The following ARL3 variants were observed in gnomAD, a reference collection of about 807,000 sequenced individuals.
ARL3 encodes the protein ARF like GTPase 3, also known as ADP-ribosylation factor-like protein 3.
A neutral mutation model predicts 26.0 loss-of-function variants in ARL3; 9 were observed. The observed-to-expected ratio is 0.35, with a 90% CI of 0.21 to 0.60. The LOEUF is 0.60. Among genes scored for constraint, ARL3 ranks in the 20% least tolerant of loss-of-function variants. The pLI is 0.78. For synonymous variants in ARL3, 71 were observed against 78.4 expected (o/e 0.91, Z 0.50); for missense variants, 158 against 215.7 (o/e 0.73, Z 1.67).
At chr10:102,692,903 A>G (rs556660744) in intron 3 of ARL3, among the ~76,000 whole-genome samples, 3 of 152,152 alleles carry the variant, frequency 2.0e-5, no homozygotes, top group South Asian at 2.1e-4. Context: ...TCACCGTGTT[A>G]GCCAGGATGG....
At chr10:102,686,685 G>A (rs550472121) in intron 4 of ARL3, among the ~76,000 whole-genome samples, 1 of 151,388 alleles carries the variant, frequency 6.6e-6, no homozygotes, top group African/African-American at 2.4e-5. Flanking sequence ...GGCTGGTCTT[G>A]AACTCCTGGC....
chr10:102,709,894 C>T lies in ARL3; in HGVS notation c.3+4379G>A, dbSNP rs138500039. On this transcript the variant is annotated intron_variant, in intron 1 of 5. Transcript: ENST00000260746. ...CTAAAAATACAAAAAATTGGCCAGG[C>T]ATGGTGGTGGGCACCTATATTCCCA... Among the ~76,000 whole-genome samples the T allele has an allele frequency of 4.1e-4, 62 of 151,932 alleles. 2 individuals carry two copies. In the East Asian group the frequency reaches 9.9e-3, roughly 24 times the overall value.
intron 4 of ARL3, among the ~76,000 whole-genome samples, chr10:102,687,245 T>G (rs889117738): frequency 6.6e-6 from 1 of 151,504 alleles, no homozygotes; most frequent in Non-Finnish European, 1.5e-5. Flanking sequence ...GATCACTTTT[T>G]TTTTTTGAGA....
intron 3 of ARL3, 75 bp downstream of exon 3, chr10:102,699,298 A>C (rs2064265518): frequency 1.1e-6 from 1 of 885,546 alleles, no homozygotes; most frequent in African/African-American, 2.1e-5. Context: ...CTGACAAGAA[A>C]GAATGTTACA....
At chr10:102,693,864 AG>A (rs1427595773) in intron 3 of ARL3, among the ~76,000 whole-genome samples, 1 of 152,008 alleles carries the variant, frequency 6.6e-6, no homozygotes, top group Non-Finnish European at 1.5e-5. Context: ...TTGTAGAGAC[AG>A]GGTCACAGTA....
At chr10:102,700,487 CAG>C (rs2064274116) in intron 2 of ARL3, among the ~76,000 whole-genome samples, 1 of 144,704 alleles carries the variant, frequency 6.9e-6, no homozygotes, top group Admixed American at 6.9e-5. Context: ...TTTTTTGAGA[CAG>C]AGTCTCGCTC....
chr10:102,708,779 C>T (rs2064322390), intron 1 of ARL3, among the ~76,000 whole-genome samples: 1 of 151,116 alleles, frequency 6.6e-6, no homozygotes, highest in Non-Finnish European at 1.5e-5. Context: ...TTGCTTAAAC[C>T]CAGGAGGTAG....
At chr10:102,694,959 T>C (rs748098649) in intron 3 of ARL3, among the ~76,000 whole-genome samples, 1 of 152,246 alleles carries the variant, frequency 6.6e-6, no homozygotes, top group African/African-American at 2.4e-5. Context: ...CCTCAGGTGA[T>C]CTGCCTGCCT....
At chr10:102,683,922 C>A (rs1318654753) in intron 5 of ARL3, among the ~76,000 whole-genome samples, 1 of 152,182 alleles carries the variant, frequency 6.6e-6, no homozygotes, top group Non-Finnish European at 1.5e-5. Context: ...AATACTGATT[C>A]TAGATTACTC....
At chr10:102,681,819 A>G (rs991272210) in intron 5 of ARL3, among the ~76,000 whole-genome samples, 3 of 152,148 alleles carry the variant, frequency 2.0e-5, no homozygotes, top group Non-Finnish European at 4.4e-5. Context: ...TTTTAATTAC[A>G]CATACCACAC....
At position 102,675,755 on chromosome 10, in the gene ARL3, A is replaced by C. The variant is rs2064127066; in HGVS notation, c.*1139T>G. The stretch of plus-strand genomic sequence containing the variant: ...TTGATTCCTTGGACACGACCCCTGC[A>C]GTCACACACACACCCATGTCCTCCC... On this transcript the variant is annotated 3_prime_UTR_variant, in exon 6 of 6. Coordinates refer to ENST00000260746, the MANE Select transcript of ARL3 (RefSeq NM_004311.4). 1 of 152,308 alleles carries C rather than the reference A, an allele frequency of 6.6e-6. No homozygotes were observed. The highest frequency in any genetic ancestry group is 2.4e-5 in the African/African-American group (1 of 41,444). 9.4% of individuals were successfully genotyped at this position (152,308 alleles called of 1,614,324 possible).
At chr10:102,686,058 TA>T in intron 4 of ARL3, 57 bp from the exon 5 acceptor site, 1 of 1,393,434 alleles carries the variant, frequency 7.2e-7, no homozygotes, top group East Asian at 2.3e-5. Context: ...CTATGATATT[TA>T]ACCATACACT....
At chr10:102,700,408 C>CAAAAAAAAAAAA (rs56041064) in intron 2 of ARL3, among the ~76,000 whole-genome samples, 1 of 89,474 alleles carries the variant, frequency 1.1e-5, no homozygotes, top group African/African-American at 4.5e-5. Context: ...GATTCCATCT[C>CAAAAAAAAAAAA]AAAAAAAAAA....
chr10:102,692,259 A>C (rs376367824), intron 3 of ARL3, among the ~76,000 whole-genome samples: 49 of 152,304 alleles, frequency 3.2e-4, no homozygotes, highest in African/African-American at 1.1e-3. Context: ...TACAATCATT[A>C]ATGTCTTTAT....
chr10:102,706,995 T>C (rs935578459), intron 1 of ARL3, among the ~76,000 whole-genome samples: 23 of 151,610 alleles, frequency 1.5e-4, no homozygotes, highest in African/African-American at 5.3e-4. Context: ...TTTTTATGGA[T>C]AGAAATATAA....
chr10:102,706,379 GA>G, intron 1 of ARL3, among the ~76,000 whole-genome samples: 1 of 152,128 alleles, frequency 6.6e-6, no homozygotes. Context: ...TTGAACCTGG[GA>G]GGCGGAGGTT....
At chr10:102,698,162 C>G (rs768219718) in intron 3 of ARL3, among the ~76,000 whole-genome samples, 4 of 151,826 alleles carry the variant, frequency 2.6e-5, no homozygotes, top group Non-Finnish European at 4.4e-5. Flanking sequence ...TAGGAAACAA[C>G]AGCAGAAGGT....
intron 1 of ARL3, among the ~76,000 whole-genome samples, chr10:102,712,071 T>C (rs2064344823): frequency 6.6e-6 from 1 of 152,156 alleles, no homozygotes; most frequent in Non-Finnish European, 1.5e-5. Flanking sequence ...AAGTGGTTAG[T>C]TACGTGCTAA....
intron 1 of ARL3, among the ~76,000 whole-genome samples, chr10:102,708,778 C>T (rs1014493735): frequency 1.6e-4 from 24 of 151,468 alleles, no homozygotes; most frequent in Middle Eastern, 3.4e-3. Flanking sequence ...ATTGCTTAAA[C>T]CCAGGAGGTA....
Sources: gnomAD v4.1 joint callset for allele counts (sites outside exome capture counted in the v4.1 genomes callset) on GRCh38, gnomAD v4.1.1 for gene constraint, MANE v1.5 for transcripts, NCBI Gene and HGNC (gene_info 2026-07-23, HGNC 2026-07-21) for gene names.